Variants in USP6NL observed in about 807,000 individuals in gnomAD.
USP6NL encodes the protein USP6 N-terminal-like protein.
Under a neutral mutation model 61.9 loss-of-function variants are expected in USP6NL, and 26 were observed. The observed-to-expected ratio is 0.42, with a 90% CI of 0.31 to 0.58. The LOEUF is 0.58. Among genes scored for constraint, USP6NL ranks in the 20% least tolerant of loss-of-function variants. USP6NL has a pLI of 0.16. For synonymous variants in USP6NL, 432 were observed against 390.1 expected (o/e 1.11, Z -1.27); for missense variants, 1,114 against 1,034.3 (o/e 1.08, Z -1.06).
intron 2 of USP6NL, among the ~76,000 whole-genome samples, chr10:11,555,415 T>TAAAAAA (rs558901276): frequency 0.06 from 1,599 of 26,652 alleles, 108 homozygotes; most frequent in Non-Finnish European, 0.075. Flanking sequence ...AACTCGGTCT[T>TAAAAAA]AAAAAAAAAA....
chr10:11,501,587 A>G (rs7070250), intron 6 of USP6NL, among the ~76,000 whole-genome samples: 16,777 of 152,206 alleles, frequency 0.11, 1,443 homozygotes, highest in East Asian at 0.43. Flanking sequence ...CTTTTATCCC[A>G]CACACCTAAA....
At chr10:11,507,151 TAG>T (rs1834485258) in intron 6 of USP6NL, among the ~76,000 whole-genome samples, 1 of 152,236 alleles carries the variant, frequency 6.6e-6, no homozygotes, top group Non-Finnish European at 1.5e-5. Context: ...TGTTCGTTTT[TAG>T]AGAGGCTTAC....
chr10:11,493,258 T>C (rs1371486840), intron 7 of USP6NL, 30 bp from the exon 8 acceptor site: 2 of 1,549,394 alleles, frequency 1.3e-6, no homozygotes, highest in East Asian at 4.6e-5. Context: ...ACAGAACAGA[T>C]TTTTATGGAA....
intron 5 of USP6NL, among the ~76,000 whole-genome samples, chr10:11,514,212 C>T (rs1292830987): frequency 7.5e-6 from 1 of 133,154 alleles, no homozygotes; most frequent in Non-Finnish European, 1.7e-5. Flanking sequence ...TCTCATCATC[C>T]GTTGATGATT....
chr10:11,608,721 A>G (rs1838784919), intron 1 of USP6NL, among the ~76,000 whole-genome samples: 1 of 152,242 alleles, frequency 6.6e-6, no homozygotes, highest in Non-Finnish European at 1.5e-5. Flanking sequence ...GTCCTGGGGT[A>G]CACAGAAGGC....
intron 2 of USP6NL, among the ~76,000 whole-genome samples, chr10:11,579,184 T>G (rs1030234388): frequency 6.6e-5 from 10 of 152,330 alleles, no homozygotes; most frequent in Admixed American, 4.6e-4. Context: ...AAGAATGTGC[T>G]AAGTGGCAAA....
At position 11,587,795 on chromosome 10, in the gene USP6NL, TTTCA is replaced by T. The variant is rs1490732156; in HGVS notation, c.4+9832_4+9835del. 1.3e-5 allele frequency among the ~76,000 whole-genome samples: 2 copies of T among 152,236 alleles called. No individual in the cohort carries two copies. The highest frequency in any genetic ancestry group is 4.8e-5 in the African/African-American group (2 of 41,466). On this transcript the variant is annotated intron_variant, in intron 2 of 14. Coordinates refer to ENST00000609104, the MANE Select transcript of USP6NL (RefSeq NM_014688.5). This position sits in a 1 kb window ranked among gnomAD's most constrained non-coding sequence, Gnocchi z 4.5. ...TCGATAAAAGCCAAAAGCCGTCTCA[TTTCA>T]ACGCCATCTCATATTCTAGAAAATA...
At chr10:11,533,952 G>C (rs1835747343) in intron 2 of USP6NL, among the ~76,000 whole-genome samples, 1 of 152,140 alleles carries the variant, frequency 6.6e-6, no homozygotes, top group African/African-American at 2.4e-5. Context: ...GACTACCTCA[G>C]CCTCTACCTC....
At chr10:11,605,680 A>T (rs977581621) in intron 1 of USP6NL, among the ~76,000 whole-genome samples, 1 of 152,206 alleles carries the variant, frequency 6.6e-6, no homozygotes, top group Non-Finnish European at 1.5e-5. Context: ...AAAATAACTA[A>T]ACTGAAAGTC....
In USP6NL at chr10:11,597,646, G is replaced by C; in HGVS notation, c.-12C>G. ...GCGCACTTACTCATGACTGGAAATG[G>C]GTCTGAATGTTGTCCCAATCAGATA... is the stretch of plus-strand genomic sequence containing the variant. On this transcript the variant is annotated 5_prime_UTR_variant, in exon 2 of 15. Coordinates refer to ENST00000609104, the MANE Select transcript of USP6NL (RefSeq NM_014688.5). The surrounding 1 kb of genome is among the most constrained non-coding windows in gnomAD (Gnocchi z 4.6). 1 of 1,551,344 alleles carries C rather than the reference G, an allele frequency of 6.4e-7. No individual in the cohort carries two copies. The highest frequency in any genetic ancestry group is 2.4e-5 in the East Asian group (1 of 40,908).
At chr10:11,498,338 A>G (rs1211986601) in intron 7 of USP6NL, among the ~76,000 whole-genome samples, 1 of 149,312 alleles carries the variant, frequency 6.7e-6, no homozygotes, top group Non-Finnish European at 1.5e-5. Flanking sequence ...GTTTTCCACT[A>G]TGGTCTGATC....
At chr10:11,502,531 A>G (rs1336508584) in intron 6 of USP6NL, among the ~76,000 whole-genome samples, 2 of 152,212 alleles carry the variant, frequency 1.3e-5, no homozygotes, top group African/African-American at 2.4e-5. Context: ...TAGTACTCTT[A>G]TTATCATCGT....
rs1838484911 is a variant in USP6NL, at chr10:11,600,518, T to C, written c.-83-2801A>G. ...GTTTGCAGTCGTTACACAGCATTAT[T>C]ACAGCCAAAGATGACTAATACAGAC... On this transcript the variant is annotated intron_variant, in intron 1 of 14. Coordinates refer to ENST00000609104, the MANE Select transcript of USP6NL (RefSeq NM_014688.5). This position sits in a 1 kb window ranked among gnomAD's most constrained non-coding sequence, Gnocchi z 4.1. Among the ~76,000 whole-genome samples, 1 of 152,238 alleles carries C rather than the reference T, an allele frequency of 6.6e-6. No individual in the cohort carries two copies. Among genetic ancestry groups the C allele is most frequent in the African/African-American group, 2.4e-5 (1 of 41,466 alleles).
chr10:11,463,206 G>A lies in USP6NL; in HGVS notation c.1722C>T (p.Ser574=), dbSNP rs750051738. 16 of 1,613,434 alleles carry A rather than the reference G, an allele frequency of 9.9e-6. No homozygotes were observed. In the South Asian group the frequency reaches 1.6e-4, roughly 17 times the overall value. ...SVEEALERAY[S]QSPRHALYPP... ...GGTAAAGGGCATGCCGGGGGCTCTG[G>A]GAGTAAGCCCTTTCCAGCGCCTCCT... is the stretch of plus-strand genomic sequence containing the variant. The change falls in exon 15 of 15, where the codon TCC becomes TCT. Residue 574 remains serine (S), a synonymous_variant. Transcript: ENST00000609104. The surrounding 1 kb of genome is among the most constrained non-coding windows in gnomAD (Gnocchi z 6.3).
chr10:11,578,995 C>T (rs1662189648), intron 2 of USP6NL, among the ~76,000 whole-genome samples: 1 of 152,152 alleles, frequency 6.6e-6, no homozygotes, highest in South Asian at 2.1e-4. Context: ...TTTTCCCCCT[C>T]CCACACTCCC....
Position 11,528,124 on chromosome 10 carries a change from CACAG to C in USP6NL, c.5-561_5-558del, listed in dbSNP as rs1477450966. 4.2e-5 allele frequency among the ~76,000 whole-genome samples: 6 copies of C among 144,420 alleles called. No individual in the cohort carries two copies. The highest frequency in any genetic ancestry group is 2.1e-4 in the Admixed American group (3 of 14,468). The allele number at this position is 144,420 out of a possible 152,430, so 94.7% of individuals were successfully genotyped here. On this transcript the variant is annotated intron_variant, in intron 2 of 14. Coordinates refer to ENST00000609104, the MANE Select transcript of USP6NL (RefSeq NM_014688.5). The surrounding 1 kb of genome is among the most constrained non-coding windows in gnomAD (Gnocchi z 4.6). ...TCATACATATGTGTGTGGACACACA[CACAG>C]ACACACACACACACACACACACACA...
At chr10:11,515,682 T>G (rs1330516300) in intron 5 of USP6NL, among the ~76,000 whole-genome samples, 1 of 152,214 alleles carries the variant, frequency 6.6e-6, no homozygotes, top group African/African-American at 2.4e-5. Flanking sequence ...CTGTGTCAAG[T>G]ATGAGAGGAG....
intron 2 of USP6NL, among the ~76,000 whole-genome samples, chr10:11,573,080 A>T (rs1249989357): frequency 3.9e-5 from 6 of 152,138 alleles, no homozygotes; most frequent in African/African-American, 9.7e-5. Flanking sequence ...ATATAATCAT[A>T]AACAGAATTA....
chr10:11,477,034 G>A (rs572113994), intron 14 of USP6NL, among the ~76,000 whole-genome samples: 16 of 152,160 alleles, frequency 1.1e-4, no homozygotes, highest in Admixed American at 4.6e-4. Context: ...ACCACGCCCC[G>A]CTGATTTTTT....
Sources: gnomAD v4.1 joint callset for allele counts (sites outside exome capture counted in the v4.1 genomes callset) on GRCh38, gnomAD v4.1.1 for gene constraint, Gnocchi (gnomAD v3.1) non-coding constraint, MANE v1.5 for transcripts, NCBI Gene and HGNC (gene_info 2026-07-23, HGNC 2026-07-21) for gene names.